Variants in MAP3K20 observed in about 807,000 individuals in gnomAD.
The protein encoded by MAP3K20 is HCCS-4.
Under a neutral mutation model 85.7 loss-of-function variants are expected in MAP3K20, and 40 were observed. That is an observed-to-expected ratio of 0.47 (90% CI 0.36 to 0.61). The LOEUF (loss-of-function observed/expected upper bound fraction) is 0.61, where lower values mean the gene tolerates loss of function less well. MAP3K20 is among the 20% of genes least tolerant of loss of function. The pLI is 0.00. For missense variants in MAP3K20, 817 were observed against 961.7 expected, an observed-to-expected ratio of 0.85 and a Z score of 1.99; for synonymous variants, 325 against 327.7, an observed-to-expected ratio of 0.99 and a Z score of 0.09.
chr2:173,185,319 T>G (rs1690454720), intron 4 of MAP3K20, among the ~76,000 whole-genome samples: 1 of 152,150 alleles, frequency 6.6e-6, no homozygotes, highest in Admixed American at 6.5e-5. Context: ...ATAAAATCCC[T>G]TTTGCCTGTC....
chr2:173,123,831 A>AT (rs1012438724), intron 2 of MAP3K20, among the ~76,000 whole-genome samples: 1 of 151,926 alleles, frequency 6.6e-6, no homozygotes, highest in Non-Finnish European at 1.5e-5. Context: ...GAAATAAAAT[A>AT]TTTTTTTAGA....
chr2:173,174,981 C>T (rs1205307383), intron 3 of MAP3K20, among the ~76,000 whole-genome samples: 1 of 152,156 alleles, frequency 6.6e-6, no homozygotes, highest in Non-Finnish European at 1.5e-5. Flanking sequence ...GACAGCTTTT[C>T]AAAGTGATCT....
chr2:173,188,065 T>C (rs1690540858), intron 5 of MAP3K20, among the ~76,000 whole-genome samples: 1 of 152,218 alleles, frequency 6.6e-6, no homozygotes, highest in African/African-American at 2.4e-5. Context: ...TTGCGTGGTG[T>C]GAATTGTTGA....
At chr2:173,154,991 G>A (rs1199129079) in intron 2 of MAP3K20, among the ~76,000 whole-genome samples, 4 of 152,144 alleles carry the variant, frequency 2.6e-5, no homozygotes. Flanking sequence ...TGAGAAGGAG[G>A]GAAGGGTCAA....
chr2:173,118,013 G>C (rs1042189203), intron 2 of MAP3K20, among the ~76,000 whole-genome samples: 1 of 152,154 alleles, frequency 6.6e-6, no homozygotes, highest in East Asian at 1.9e-4. Flanking sequence ...TACCCCCAAG[G>C]GGTTTTCTGT....
intron 3 of MAP3K20, among the ~76,000 whole-genome samples, chr2:173,174,769 T>C (rs16861304): frequency 0.21 from 31,619 of 152,102 alleles, 4,288 homozygotes; most frequent in East Asian, 0.57. Context: ...TTCATCATCA[T>C]TAGAATGACT....
intron 19 of MAP3K20, 132 bp downstream of exon 19, chr2:173,264,027 A>C: frequency 7.7e-7 from 1 of 1,293,534 alleles, no homozygotes; most frequent in Non-Finnish European, 1.0e-6. Flanking sequence ...CGAGTAGCAG[A>C]AAACCCAGTT....
At chr2:173,151,546 A>G (rs1325634954) in intron 2 of MAP3K20, among the ~76,000 whole-genome samples, 2 of 152,240 alleles carry the variant, frequency 1.3e-5, no homozygotes, top group Non-Finnish European at 2.9e-5. Flanking sequence ...TAAATATGTT[A>G]GAACATTTAC....
intron 3 of MAP3K20, among the ~76,000 whole-genome samples, chr2:173,173,456 G>A (rs1037410579): frequency 2.6e-5 from 4 of 152,106 alleles, no homozygotes; most frequent in African/African-American, 9.7e-5. Context: ...CCTGTTCTGC[G>A]TTAGCCTCTA....
intron 11 of MAP3K20, chr2:173,221,685 T>C: frequency 7.5e-7 from 1 of 1,327,224 alleles, no homozygotes; most frequent in Non-Finnish European, 9.7e-7. Context: ...TTATCAATTC[T>C]ACTTTTATTT....
chr2:173,154,169 A>G (rs1404775231), intron 2 of MAP3K20, among the ~76,000 whole-genome samples: 1 of 152,162 alleles, frequency 6.6e-6, no homozygotes, highest in African/African-American at 2.4e-5. Context: ...CGTCCCAGCT[A>G]TGAACCCAAA....
rs759961966 is a variant in MAP3K20, at chr2:173,217,116, T to TG, written c.854dup (p.Cys285TrpfsTer4). The TG allele has an allele frequency of 6.4e-7, 1 of 1,558,472 alleles. No homozygotes were observed. The highest frequency in any genetic ancestry group is 8.7e-7 in the Non-Finnish European group (1 of 1,151,390). On this transcript the variant is annotated frameshift_variant and splice_region_variant, in exon 11 of 20. Transcript: ENST00000375213. LOFTEE classifies it high-confidence loss of function. ...CTTACACCAGCTATCCCCGTGCAGG[T>TG]GCGAAATTGAGGCAACTCTTGAGAG...
At chr2:173,177,710 G>A (rs1236838472) in intron 3 of MAP3K20, among the ~76,000 whole-genome samples, 5 of 152,090 alleles carry the variant, frequency 3.3e-5, no homozygotes, top group Admixed American at 2.0e-4. Context: ...GATTACAGGC[G>A]TGAGCCACCA....
At chr2:173,106,494 T>C (rs1687786783) in intron 2 of MAP3K20, among the ~76,000 whole-genome samples, 1 of 152,166 alleles carries the variant, frequency 6.6e-6, no homozygotes, top group South Asian at 2.1e-4. Context: ...ATTGAAAAAA[T>C]TGAGAACCAC....
chr2:173,134,561 C>G (rs1688745848), intron 2 of MAP3K20, among the ~76,000 whole-genome samples: 1 of 148,600 alleles, frequency 6.7e-6, no homozygotes, highest in Admixed American at 6.8e-5. Flanking sequence ...TGAGCCACTG[C>G]CCCCAGCCCA....
At position 173,232,309 on chromosome 2, in the gene MAP3K20, ACTTC is replaced by A; in HGVS notation, c.1064-6_1064-3del. ...TCTAATTTTATTCTGCTTTCTAATC[ACTTC>A]CTTCAGGTGACTCTTCAGCAGAGAT... On this transcript the variant is annotated splice_polypyrimidine_tract_variant and splice_region_variant and intron_variant, in intron 13 of 19. Coordinates refer to ENST00000375213, the MANE Select transcript of MAP3K20 (RefSeq NM_016653.3). 6.2e-7 allele frequency: 1 copy of A among 1,614,106 alleles called. No homozygotes were observed. The highest frequency in any genetic ancestry group is 8.5e-7 in the Non-Finnish European group (1 of 1,180,016).
At position 173,266,545 on chromosome 2, in the gene MAP3K20, G is replaced by A. The variant is rs1331553767; in HGVS notation, c.2198G>A (p.Ser733Asn). The change falls in exon 20 of 20, where the codon AGC becomes AAC. Residue 733 changes from serine (S) to asparagine (N), a missense_variant. Transcript: ENST00000375213. ...CACCAGTCGCCTGACTTCAAGAGAA[G>A]CCCCAGGGACCTCCACCAACCCAAC... ...NPHQSPDFKR[S>N]PRDLHQPNTI... The A allele has an allele frequency of 1.2e-6, 2 of 1,613,720 alleles. No individual in the cohort carries two copies. Among genetic ancestry groups the A allele is most frequent in the Non-Finnish European group, 1.7e-6 (2 of 1,179,908 alleles).
intron 11 of MAP3K20, 100 bp downstream of exon 11, chr2:173,217,350 C>T (rs1684108325): frequency 1.7e-6 from 2 of 1,202,468 alleles, no homozygotes; most frequent in Non-Finnish European, 1.0e-6. Flanking sequence ...CCGCCGCCCC[C>T]TCCTCATTTC....
At chr2:173,196,242 C>T (rs146823342) in intron 7 of MAP3K20, among the ~76,000 whole-genome samples, 1 of 152,260 alleles carries the variant, frequency 6.6e-6, no homozygotes, top group East Asian at 1.9e-4. Context: ...TATCTTTTCC[C>T]CTCCCCAGCC....
Sources: allele counts gnomAD v4.1 joint callset (sites outside exome capture counted in the v4.1 genomes callset), GRCh38; gene constraint gnomAD v4.1.1; transcripts MANE v1.5; gene names NCBI Gene and HGNC (gene_info 2026-07-23, HGNC 2026-07-21).